Variants in TRMT9B observed in about 807,000 individuals in gnomAD.
TRMT9B encodes the protein probable tRNA methyltransferase 9B.
A neutral mutation model predicts 11.5 loss-of-function variants in TRMT9B; 16 were observed. The observed-to-expected ratio is 1.39, with a 90% CI of 0.94 to 2.11. The LOEUF (loss-of-function observed/expected upper bound fraction) is 2.11. Among genes scored for constraint, TRMT9B ranks in the 30% most tolerant of loss-of-function variants. TRMT9B has a pLI of 0.00. For missense variants in TRMT9B, 941 were observed against 553.8 expected (o/e 1.70, Z -7.02); for synonymous variants, 274 against 192.4 (o/e 1.42, Z -3.51).
chr8:13,010,902 C>T (rs1234321102), intron 3 of TRMT9B: 2 of 951,550 alleles, frequency 2.1e-6, no homozygotes, highest in Admixed American at 6.2e-5. Context: ...TTATTGGGAA[C>T]AGTGTGGCTA....
At chr8:12,984,318 A>G (rs1190743751) in intron 1 of TRMT9B, among the ~76,000 whole-genome samples, 1 of 152,162 alleles carries the variant, frequency 6.6e-6, no homozygotes, top group African/African-American at 2.4e-5. Flanking sequence ...GGATACTCAA[A>G]CTGTAATAAC....
intron 1 of TRMT9B, among the ~76,000 whole-genome samples, chr8:12,990,068 C>A (rs574550021): frequency 6.6e-6 from 1 of 152,160 alleles, no homozygotes; most frequent in Non-Finnish European, 1.5e-5. Context: ...AACCCACACG[C>A]ACCCTGCCAT....
At chr8:12,965,783 C>G (rs561223165) in intron 1 of TRMT9B, among the ~76,000 whole-genome samples, 1 of 152,054 alleles carries the variant, frequency 6.6e-6, no homozygotes, top group South Asian at 2.1e-4. Flanking sequence ...GAGACTGAGG[C>G]AGGCAGATTG....
intron 1 of TRMT9B, among the ~76,000 whole-genome samples, chr8:12,977,925 A>C (rs1042944801): frequency 6.6e-6 from 1 of 151,962 alleles, no homozygotes; most frequent in Non-Finnish European, 1.5e-5. Flanking sequence ...TCTACTAGGG[A>C]GGCTGAGGTG....
chr8:13,000,705 A>G (rs569809813), intron 2 of TRMT9B, among the ~76,000 whole-genome samples: 1 of 152,332 alleles, frequency 6.6e-6, no homozygotes, highest in Non-Finnish European at 1.5e-5. Context: ...AAAAGTAGCA[A>G]TAAAGGTAAG....
rs577689892 is a variant in TRMT9B, at chr8:13,023,895, T to C, written c.*1851T>C. The C allele has an allele frequency of 1.0e-4, 17 of 167,182 alleles. No individual in the cohort carries two copies. The highest frequency in any genetic ancestry group is 2.2e-4 in the Non-Finnish European group (15 of 68,112). The allele number at this position is 167,182 out of a possible 1,614,324, so 10.4% of individuals were successfully genotyped here. A position where few individuals can be genotyped will look rare whatever the true frequency, so the allele number is the denominator to read the frequency against. Reference sequence around the variant, plus strand: ...CTCTTTTGGCTTCAAAATAAGATTGTGTTATCACCATTTTGGTAGATGAGG... The same window carrying C: ...CTCTTTTGGCTTCAAAATAAGATTGCGTTATCACCATTTTGGTAGATGAGG... On this transcript the variant is annotated 3_prime_UTR_variant, in exon 5 of 5. Transcript: ENST00000524591.
chr8:12,950,195 C>G (rs546557582), intron 1 of TRMT9B, among the ~76,000 whole-genome samples: 16 of 152,202 alleles, frequency 1.1e-4, no homozygotes, highest in Non-Finnish European at 2.4e-4. Context: ...TTGGACACCA[C>G]TTCCAGGATG....
Position 12,952,929 on chromosome 8 carries a change from G to A in TRMT9B, c.-200+6963G>A, listed in dbSNP as rs199866427. 1.7e-4 allele frequency among the ~76,000 whole-genome samples: 26 copies of A among 152,216 alleles called. No individual in the cohort carries two copies. In the East Asian group the frequency reaches 4.4e-3, roughly 26 times the overall value. ...TAATTTTTGTATTTTTACTAGAGAC[G>A]GGGTTTCACCATGTTGGTCAGGCTG... On this transcript the variant is annotated intron_variant, in intron 1 of 4. Coordinates refer to ENST00000524591, the MANE Select transcript of TRMT9B (RefSeq NM_020844.3).
At chr8:12,983,598 A>C (rs1266838042) in intron 1 of TRMT9B, among the ~76,000 whole-genome samples, 2 of 152,144 alleles carry the variant, frequency 1.3e-5, no homozygotes, top group Non-Finnish European at 2.9e-5. Flanking sequence ...TGAATCCAGG[A>C]GGCGGAGGTA....
chr8:12,946,684 G>A (rs1800282643), intron 1 of TRMT9B, among the ~76,000 whole-genome samples: 1 of 152,196 alleles, frequency 6.6e-6, no homozygotes, highest in South Asian at 2.1e-4. Flanking sequence ...TAGAAAGGTG[G>A]ATGAGGTTGT....
chr8:13,004,529 C>T (rs933574253), intron 2 of TRMT9B, among the ~76,000 whole-genome samples: 1 of 151,946 alleles, frequency 6.6e-6, no homozygotes, highest in Non-Finnish European at 1.5e-5. Flanking sequence ...TGTTCAGGCC[C>T]TACCCCCCAG....
intron 1 of TRMT9B, among the ~76,000 whole-genome samples, chr8:12,971,915 C>T (rs1179744254): frequency 1.3e-5 from 2 of 150,748 alleles, no homozygotes; most frequent in Non-Finnish European, 3.0e-5. Flanking sequence ...ATCAGTGAAC[C>T]AAAAAAAACC....
At position 13,021,898 on chromosome 8, in the gene TRMT9B, GC is replaced by G; in HGVS notation, c.1221del (p.Phe408LeufsTer27). ...DPQTDVLDST[A>X]FMRYYHVFRE... ...ACAGACTGATGTTTTGGACTCCACA[GC>G]CTTTATGCGCTACTACCATGTGTTT... On this transcript the variant is annotated frameshift_variant, in exon 5 of 5. Coordinates refer to ENST00000524591, the MANE Select transcript of TRMT9B (RefSeq NM_020844.3). LOFTEE classifies it high-confidence loss of function. The G allele has an allele frequency of 6.2e-7, 1 of 1,613,786 alleles. No homozygotes were observed. Among genetic ancestry groups the G allele is most frequent in the Non-Finnish European group, 8.5e-7 (1 of 1,179,874 alleles).
chr8:13,021,067 G>T lies in TRMT9B; in HGVS notation c.388G>T (p.Val130Phe), dbSNP rs749571805. Reference sequence around the variant, plus strand: ...CAGAGCAATAAAAGAAATGGCCAGGGTCTTAGTTCCCGGAGGCCAACTGAT... The same window carrying T: ...CAGAGCAATAAAAGAAATGGCCAGGTTCTTAGTTCCCGGAGGCCAACTGAT... Reference protein sequence around the residue: ...RIRAIKEMARVLVPGGQLMIY... With the variant: ...RIRAIKEMARFLVPGGQLMIY... Residue 130 changes from valine (V) to phenylalanine (F), a missense_variant, in exon 5 of 5, where the codon GTC (valine) becomes TTC (phenylalanine). Physicochemically the swap from Val to Phe is conservative, Grantham distance 50 (BLOSUM62 -1). Coordinates refer to ENST00000524591, the MANE Select transcript of TRMT9B (RefSeq NM_020844.3). 19 of 1,599,962 alleles carry T rather than the reference G, an allele frequency of 1.2e-5. No homozygotes were observed. Among genetic ancestry groups the T allele is most frequent in the Admixed American group, 1.8e-5 (1 of 57,132 alleles).
chr8:13,002,476 A>C (rs1442538091), intron 2 of TRMT9B, among the ~76,000 whole-genome samples: 1 of 152,216 alleles, frequency 6.6e-6, no homozygotes, highest in Non-Finnish European at 1.5e-5. Flanking sequence ...TTTCAGTTGA[A>C]GGTGCAACAT....
At chr8:12,985,913 T>A (rs1392954347) in intron 1 of TRMT9B, among the ~76,000 whole-genome samples, 1 of 152,120 alleles carries the variant, frequency 6.6e-6, no homozygotes, top group Admixed American at 6.6e-5. Flanking sequence ...CAGGCTTGAG[T>A]GCTGTGGCGT....
rs190837747 is a variant in TRMT9B at position 12,969,172 on chromosome 8, A to C, written c.-199-21662A>C. Among the ~76,000 whole-genome samples the C allele has an allele frequency of 1.2e-3, 183 of 152,242 alleles. 2 individuals carry two copies. Among genetic ancestry groups the C allele is most frequent in the African/African-American group, 4.4e-3 (182 of 41,538 alleles). ...CAGTGAGCTGAGATTGCGCCACTGC[A>C]CTCCAGCCTAGGCAAGAGAGTGAAA... On this transcript the variant is annotated intron_variant, in intron 1 of 4. Transcript: ENST00000524591.
intron 4 of TRMT9B, among the ~76,000 whole-genome samples, chr8:13,018,426 A>C (rs1043701298): frequency 3.3e-5 from 5 of 151,894 alleles, no homozygotes; most frequent in Admixed American, 1.3e-4. Context: ...CAAAGAAAAA[A>C]ACCTACTTTG....
intron 3 of TRMT9B, 144 bp from the exon 4 acceptor site, chr8:13,012,540 A>G: frequency 2.8e-6 from 3 of 1,080,416 alleles, no homozygotes; most frequent in Non-Finnish European, 3.8e-6. Flanking sequence ...GCGCCACTGC[A>G]CTCCAGCCTG....
Sources: gnomAD v4.1 joint callset for allele counts (sites outside exome capture counted in the v4.1 genomes callset) on GRCh38, gnomAD v4.1.1 for gene constraint, MANE v1.5 for transcripts, NCBI Gene and HGNC (gene_info 2026-07-23, HGNC 2026-07-21) for gene names.